Variants in COL9A1 observed in about 807,000 individuals in gnomAD.
The protein encoded by COL9A1 is collagen alpha-1(IX) chain.
A neutral mutation model predicts 142.6 loss-of-function variants in COL9A1; 104 were observed. That is an observed-to-expected ratio of 0.73 (90% CI 0.62 to 0.86). The LOEUF (loss-of-function observed/expected upper bound fraction) is 0.86. Ranked by LOEUF, COL9A1 falls within the 40% of genes least tolerant of loss-of-function variation. COL9A1 has a pLI of 0.00. For missense variants in COL9A1, 1,210 were observed against 1,176.6 expected, an observed-to-expected ratio of 1.03 and a Z score of -0.42; for synonymous variants, 466 against 396.0, an observed-to-expected ratio of 1.18 and a Z score of -2.10.
At chr6:70,293,777 G>C (rs1773744196) in intron 5 of COL9A1, among the ~76,000 whole-genome samples, 2 of 151,786 alleles carry the variant, frequency 1.3e-5, no homozygotes, top group African/African-American at 4.8e-5. Flanking sequence ...CAGCTATAAT[G>C]TACTTTCTCC....
In COL9A1 at chr6:70,216,184, AAAAT is replaced by A. The variant is rs1468358614; in HGVS notation, c.*709_*712del. On this transcript the variant is annotated 3_prime_UTR_variant, in exon 38 of 38. Coordinates refer to ENST00000357250, the MANE Select transcript of COL9A1 (RefSeq NM_001851.6). ...ACCAGAGATGTTACCTCAAACCTTT[AAAAT>A]AAATAATCTCATCAATAAAATTTAT... is the stretch of plus-strand genomic sequence containing the variant. The A allele has an allele frequency of 9.2e-5, 14 of 152,648 alleles. No individual in the cohort carries two copies. Among genetic ancestry groups the A allele is most frequent in the Non-Finnish European group, 1.9e-4 (13 of 68,036 alleles). 9.5% of individuals were successfully genotyped at this position (152,648 alleles called of 1,614,324 possible). A position where few individuals can be genotyped will look rare whatever the true frequency, so the allele number is the denominator to read the frequency against.
At chr6:70,280,903 A>G in intron 9 of COL9A1, 29 bp from the exon 10 acceptor site, 3 of 1,613,116 alleles carry the variant, frequency 1.9e-6, no homozygotes, top group Non-Finnish European at 2.5e-6. Context: ...GTGCGGGGGC[A>G]GGAGAGAAAA....
intron 21 of COL9A1, 26 bp downstream of exon 21, chr6:70,256,742 G>T (rs887379487): frequency 1.2e-6 from 2 of 1,611,770 alleles, no homozygotes; most frequent in Non-Finnish European, 1.7e-6. Context: ...TCTATCATTG[G>T]GTTTTGTGGA....
chr6:70,219,375 T>A (rs1172450188), intron 37 of COL9A1, among the ~76,000 whole-genome samples: 1 of 152,252 alleles, frequency 6.6e-6, no homozygotes, highest in African/African-American at 2.4e-5. Flanking sequence ...TTTGTAGTTT[T>A]ATTAGAACAC....
intron 35 of COL9A1, 119 bp from the exon 36 acceptor site, chr6:70,232,890 G>A: frequency 9.7e-7 from 1 of 1,033,850 alleles, no homozygotes. Flanking sequence ...TTCAAAATTG[G>A]TAGTAAGAAA....
intron 21 of COL9A1, 43 bp from the exon 22 acceptor site, chr6:70,255,433 T>C: frequency 6.5e-7 from 1 of 1,544,276 alleles, no homozygotes; most frequent in Non-Finnish European, 9.0e-7. Context: ...AAAAGTTACT[T>C]ATTAATCAAC....
At chr6:70,220,142 A>G (rs1768777043) in intron 37 of COL9A1, among the ~76,000 whole-genome samples, 1 of 133,660 alleles carries the variant, frequency 7.5e-6, no homozygotes. Flanking sequence ...TGATGATGTC[A>G]TCATCATCAT....
At chr6:70,215,126 A>T (rs1768424057), downstream of COL9A1, 1 of 152,010 alleles carries the variant, frequency 6.6e-6, no homozygotes, top group Non-Finnish European at 1.5e-5. Context: ...TTTTTTAAGG[A>T]TTGTTTTAGG....
At position 70,245,322 on chromosome 6, in the gene COL9A1, A is replaced by T. The variant is rs75379664; in HGVS notation, c.1873-2607T>A. Among the ~76,000 whole-genome samples, 1,257 of 152,326 alleles carry T rather than the reference A, an allele frequency of 8.3e-3. 21 individuals are homozygous for T. The highest frequency in any genetic ancestry group is 0.029 in the African/African-American group (1,209 of 41,570). On this transcript the variant is annotated intron_variant, in intron 28 of 37. Transcript: ENST00000357250. ...ATCTCTGAAAACATAGACTAAACAC[A>T]TTCCTCAGGGAGTAATTAAGCATGT...
intron 20 of COL9A1, among the ~76,000 whole-genome samples, chr6:70,260,421 T>C (rs1292236258): frequency 1.3e-5 from 2 of 151,864 alleles, no homozygotes; most frequent in African/African-American, 4.8e-5. Context: ...CAGGCGCCTG[T>C]AATCCCAGCT....
intron 10 of COL9A1, chr6:70,279,669 A>C (rs1002698072): frequency 6.6e-4 from 117 of 177,860 alleles, no homozygotes; most frequent in African/African-American, 2.8e-3. Flanking sequence ...AAAAAAAAAA[A>C]ACACATACAC....
intron 28 of COL9A1, among the ~76,000 whole-genome samples, chr6:70,244,221 A>G (rs1363982532): frequency 3.3e-5 from 5 of 152,230 alleles, no homozygotes; most frequent in Admixed American, 1.3e-4. Flanking sequence ...CAACAACTTT[A>G]TATAAACAAC....
intron 33 of COL9A1, 40 bp downstream of exon 33, chr6:70,239,214 T>A (rs377300717): frequency 1.0e-4 from 136 of 1,303,802 alleles, no homozygotes; most frequent in Non-Finnish European, 1.4e-4. Context: ...TTTATTAATG[T>A]TTTTAATTTT....
chr6:70,245,632 TG>T (rs1160396985), intron 28 of COL9A1: 1 of 152,144 alleles, frequency 6.6e-6, no homozygotes, highest in Non-Finnish European at 1.5e-5. Flanking sequence ...AAGAAGAAAC[TG>T]GAATAAAGGC....
chr6:70,283,829 A>G lies in COL9A1; in HGVS notation c.697-9T>C, dbSNP rs1773326975. The G allele has an allele frequency of 6.3e-7, 1 of 1,597,872 alleles. No individual in the cohort carries two copies. Among genetic ancestry groups the G allele is most frequent in the Non-Finnish European group, 8.5e-7 (1 of 1,170,542 alleles). On this transcript the variant is annotated splice_polypyrimidine_tract_variant and intron_variant, in intron 5 of 37. Transcript: ENST00000357250. ...ATCCATTGAAGTTCAAACTGGAGAA[A>G]GGTAGTAGACAGTCAGGTAAGGTTT...
Position 70,234,582 on chromosome 6 carries a change from C to A in COL9A1, c.2271G>T (p.Pro757=). ...AAACCTGCTTAATGTGCTGATCTGT[C>A]GGTGCTCTACCCTGGGACAGAAAAG... The part of the protein sequence containing the change: ...PGVQGPPGRA[P]TDQHIKQVCM... Residue 757 remains proline, a synonymous_variant, in exon 35 of 38, where the codon CCG becomes CCT. Transcript: ENST00000357250. 1 of 1,614,138 alleles carries A rather than the reference C, an allele frequency of 6.2e-7. No individual in the cohort carries two copies. The highest frequency in any genetic ancestry group is 8.5e-7 in the Non-Finnish European group (1 of 1,180,020).
chr6:70,225,516 A>G (rs1452037997), intron 37 of COL9A1, among the ~76,000 whole-genome samples: 1 of 152,108 alleles, frequency 6.6e-6, no homozygotes, highest in Non-Finnish European at 1.5e-5. Context: ...CTTTAAAAAT[A>G]AAATTTCAGT....
chr6:70,250,809 T>A (rs967499382), intron 28 of COL9A1, among the ~76,000 whole-genome samples: 1 of 152,240 alleles, frequency 6.6e-6, no homozygotes, highest in Non-Finnish European at 1.5e-5. Flanking sequence ...TTTAAGTGTA[T>A]AATATTTAAT....
chr6:70,274,175 C>A (rs1772592518), intron 11 of COL9A1, 93 bp from the exon 12 acceptor site: 8 of 993,524 alleles, frequency 8.1e-6, no homozygotes, highest in South Asian at 3.3e-5. Flanking sequence ...TTAAAACACC[C>A]CATTATGGTG....
Sources: gnomAD v4.1 joint callset for allele counts (sites outside exome capture counted in the v4.1 genomes callset) on GRCh38, gnomAD v4.1.1 for gene constraint, MANE v1.5 for transcripts, NCBI Gene and HGNC (gene_info 2026-07-23, HGNC 2026-07-21) for gene names.